CYFIP1: variants seen among roughly 807,000 people sequenced by gnomAD.
CYFIP1 encodes cytoplasmic FMR1-interacting protein 1.
In CYFIP1, 58 loss-of-function variants were observed where a neutral mutation model predicts 163.5. That is an observed-to-expected ratio of 0.35 (90% CI 0.29 to 0.44). The LOEUF is 0.44. Among genes scored for constraint, CYFIP1 ranks in the 20% least tolerant of loss-of-function variants. The pLI is 1.00. For missense variants in CYFIP1, 1,338 were observed against 1,653.8 expected, an observed-to-expected ratio of 0.81 and a Z score of 3.31; for synonymous variants, 663 against 660.7, an observed-to-expected ratio of 1.00 and a Z score of -0.05.
chr15:22,975,418 C>T lies in CYFIP1; in HGVS notation c.-7+4869G>A, dbSNP rs2063232532. 2.4e-5 allele frequency among the ~76,000 whole-genome samples: 3 copies of T among 123,206 alleles called. 1 individual carries two copies. The South Asian group carries it at 8.2e-4, about 34-fold the overall frequency. 80.8% of individuals were successfully genotyped at this position (123,206 alleles called of 152,430 possible). On this transcript the variant is annotated intron_variant, in intron 1 of 30. Transcript: ENST00000617928. ...CCGGGAGGCAGAGCTTGCAGTGAGC[C>T]GAGACAGAGCGAGACTCCGTCTCAA... is the stretch of plus-strand genomic sequence containing the variant.
At chr15:22,974,399 A>G (rs2063199099) in intron 1 of CYFIP1, among the ~76,000 whole-genome samples, 1 of 152,164 alleles carries the variant, frequency 6.6e-6, no homozygotes, top group Admixed American at 6.6e-5. Flanking sequence ...CAACATAGTG[A>G]TACCCCATCT....
chr15:22,902,071 G>A (rs911945660), intron 22 of CYFIP1, among the ~76,000 whole-genome samples: 6 of 152,214 alleles, frequency 3.9e-5, no homozygotes, highest in African/African-American at 9.6e-5. Flanking sequence ...GGTATGGCCC[G>A]AGGCAGCAGC....
intron 1 of CYFIP1, 110 bp downstream of exon 1, chr15:22,980,177 A>AC (rs1158534084): frequency 9.2e-6 from 1 of 108,622 alleles, no homozygotes; most frequent in African/African-American, 3.8e-5. Flanking sequence ...GTTGGGGGGG[A>AC]GGGGGGGGTC....
Position 22,939,597 on chromosome 15 carries a change from G to A in CYFIP1, c.570-90C>T, listed in dbSNP as rs1389997382. ...AAAAAAAAAAGCCTGGTTCGAGTGG[G>A]ATCCCTTTCCCCTACAGTCATCTGC... On this transcript the variant is annotated intron_variant, in intron 6 of 30. Coordinates refer to ENST00000617928, the MANE Select transcript of CYFIP1 (RefSeq NM_014608.6). 6 of 969,942 alleles carry A rather than the reference G, an allele frequency of 6.2e-6. No homozygotes were observed. In the East Asian group the frequency reaches 1.6e-4, roughly 26 times the overall value. 60.1% of individuals were successfully genotyped at this position (969,942 alleles called of 1,614,324 possible). A position where few individuals can be genotyped will look rare whatever the true frequency, so the allele number is the denominator to read the frequency against.
intron 23 of CYFIP1, among the ~76,000 whole-genome samples, chr15:22,886,901 T>C (rs1667634843): frequency 6.6e-6 from 1 of 152,228 alleles, no homozygotes; most frequent in African/African-American, 2.4e-5. Context: ...ACTGTAACTG[T>C]GGGATTGTTC....
intron 1 of CYFIP1, among the ~76,000 whole-genome samples, chr15:22,958,147 G>A (rs893898943): frequency 1.3e-5 from 2 of 150,346 alleles, no homozygotes; most frequent in African/African-American, 2.5e-5. Flanking sequence ...CCGGGCTGGC[G>A]CAATCTCGGC....
At position 22,909,286 on chromosome 15, in the gene CYFIP1, G is replaced by A. The variant is rs767594420; in HGVS notation, c.2296C>T (p.Arg766Cys). Residue 766 changes from arginine to cysteine, a missense_variant, in exon 21 of 31, where the codon CGT (arginine) becomes TGT (cysteine). This residue lies in a region of CYFIP1 where 824 missense variants were observed against 995.7 expected (regional missense o/e 0.83). Coordinates refer to ENST00000617928, the MANE Select transcript of CYFIP1 (RefSeq NM_014608.6). ...GCTGAGACGCGCTGGGTGATCAGAC[G>A]ATTGAGGTCTATTGATCTGCCGAGG... is the stretch of plus-strand genomic sequence containing the variant. ...QLLGRSIDLN[R>C]LITQRVSAAM... is the part of the protein sequence containing the mutation. 6.2e-6 allele frequency: 10 copies of A among 1,614,002 alleles called. 1 individual carries two copies. The Admixed American group carries it at 1.0e-4, about 16-fold the overall frequency.
chr15:22,902,580 A>T (rs1180832880), intron 22 of CYFIP1, among the ~76,000 whole-genome samples: 2 of 152,214 alleles, frequency 1.3e-5, no homozygotes, highest in Non-Finnish European at 2.9e-5. Context: ...AACATCTTTT[A>T]AAAATGTTGA....
intron 8 of CYFIP1, 143 bp downstream of exon 8, chr15:22,939,049 G>T: frequency 1.0e-6 from 1 of 975,830 alleles, no homozygotes; most frequent in Non-Finnish European, 1.5e-6. Context: ...TGCAGGCTGT[G>T]TGCAAGGGCA....
rs563175482 is a variant in CYFIP1 at position 22,883,815 on chromosome 15, T to G, written c.2677-804A>C. Among the ~76,000 whole-genome samples the G allele has an allele frequency of 6.3e-5, 3 of 47,716 alleles. No homozygotes were observed. The East Asian group carries it at 1.8e-3, about 29-fold the overall frequency. 31.3% of individuals were successfully genotyped at this position (47,716 alleles called of 152,430 possible). On this transcript the variant is annotated intron_variant, in intron 23 of 30. Coordinates refer to ENST00000617928, the MANE Select transcript of CYFIP1 (RefSeq NM_014608.6). ...CCGGGTGACAGAACGAGACTTCATC[T>G]CAAAAAAAAAAAAAAAAAAAAAGGC...
chr15:22,945,574 A>G (rs930127234), intron 3 of CYFIP1, among the ~76,000 whole-genome samples: 1 of 145,160 alleles, frequency 6.9e-6, no homozygotes, highest in African/African-American at 2.7e-5. Flanking sequence ...CGTTCATCAC[A>G]GTATTTTTTT....
intron 22 of CYFIP1, among the ~76,000 whole-genome samples, chr15:22,901,033 T>C (rs1048842522): frequency 6.6e-6 from 1 of 151,358 alleles, no homozygotes; most frequent in African/African-American, 2.4e-5. Flanking sequence ...TGAAACCCTG[T>C]CTCTATTAAA....
intron 23 of CYFIP1, among the ~76,000 whole-genome samples, chr15:22,889,707 C>T (rs1595524515): frequency 1.3e-5 from 2 of 152,196 alleles, no homozygotes; most frequent in East Asian, 3.9e-4. Context: ...CTGCCCAGTG[C>T]CCTCTGCGCA....
Position 22,873,606 on chromosome 15 carries a change from G to A in CYFIP1, c.3334C>T (p.Pro1112Ser). The A allele has an allele frequency of 6.2e-7, 1 of 1,614,238 alleles. No homozygotes were observed. Among genetic ancestry groups the A allele is most frequent in the Non-Finnish European group, 8.5e-7 (1 of 1,180,034 alleles). ...TGCATGACCCCATTGCTGGGCAGAG[G>A]CCCGCGCCAGATGGGGTCATCCAGA... ...SFLDDPIWRG[P>S]LPSNGVMHVD... The change falls in exon 29 of 31, where the codon CCT becomes TCT. Residue 1112 changes from proline to serine, a missense_variant. Transcript: ENST00000617928.
rs543553182 is a variant in CYFIP1, at chr15:22,883,107, G to A, written c.2677-96C>T. The A allele has an allele frequency of 7.3e-5, 106 of 1,455,180 alleles. No individual in the cohort carries two copies. In the African/African-American group the frequency reaches 1.2e-3, roughly 16 times the overall value. The allele number at this position is 1,455,180 out of a possible 1,614,324, so 90.1% of individuals were successfully genotyped here. The stretch of plus-strand genomic sequence containing the variant: ...GATCACTCAACACACACAGGCTCAG[G>A]TGAGCGGGTCTGAGTCTACTGACTT... On this transcript the variant is annotated intron_variant, in intron 23 of 30. Transcript: ENST00000617928.
At chr15:22,904,013 C>G (rs998013159) in intron 21 of CYFIP1, 108 bp from the exon 22 acceptor site, 5 of 1,002,154 alleles carry the variant, frequency 5.0e-6, no homozygotes, top group Non-Finnish European at 6.0e-6. Context: ...CAGGGCTGCA[C>G]GGAGGCAGCC....
chr15:22,959,249 G>A (rs753163728), intron 1 of CYFIP1, among the ~76,000 whole-genome samples: 24 of 152,112 alleles, frequency 1.6e-4, no homozygotes, highest in Non-Finnish European at 2.8e-4. Context: ...CCTCGACGAC[G>A]GCCATTCCTT....
intron 16 of CYFIP1, among the ~76,000 whole-genome samples, chr15:22,915,964 C>A (rs1235354235): frequency 6.6e-6 from 1 of 152,168 alleles, no homozygotes; most frequent in African/African-American, 2.4e-5. Flanking sequence ...CCAGCCAAGA[C>A]AGCAGGGATC....
At chr15:22,979,484 C>A (rs998677122) in intron 1 of CYFIP1, among the ~76,000 whole-genome samples, 5 of 152,218 alleles carry the variant, frequency 3.3e-5, no homozygotes, top group African/African-American at 1.2e-4. Context: ...CAGTCCCCAG[C>A]GGCGACCACG....
Sources: gnomAD v4.1 joint callset for allele counts (sites outside exome capture counted in the v4.1 genomes callset) on GRCh38, gnomAD v4.1.1 for gene constraint, gnomAD v4.1.1 regional missense constraint, MANE v1.5 for transcripts, NCBI Gene and HGNC (gene_info 2026-07-23, HGNC 2026-07-21) for gene names.